NRG1: variants seen among roughly 807,000 people sequenced by gnomAD.
The protein encoded by NRG1 is neuregulin 1, also known as pro-neuregulin-1, membrane-bound isoform.
NRG1 carries 18 observed loss-of-function variants against 63.8 expected under a neutral mutation model. The observed-to-expected ratio is 0.28, with a 90% CI of 0.19 to 0.42. The LOEUF is 0.42. NRG1 is among the 10% of genes least tolerant of loss of function. The pLI, the probability that NRG1 is intolerant of heterozygous loss-of-function variation, is 1.00. For synonymous variants in NRG1, 302 were observed against 301.3 expected (o/e 1.00, Z -0.02); for missense variants, 762 against 814.7 (o/e 0.94, Z 0.79).
At chr8:32,760,483 C>A in intron 11 of NRG1, 77 bp downstream of exon 11, 1 of 1,593,422 alleles carries the variant, frequency 6.3e-7, no homozygotes, top group Non-Finnish European at 8.5e-7. Flanking sequence ...GGTCTCACCT[C>A]AGGAAATCTA....
chr8:31,675,091 C>T (rs547934496), intron 1 of NRG1, among the ~76,000 whole-genome samples: 1 of 152,262 alleles, frequency 6.6e-6, no homozygotes, highest in South Asian at 2.1e-4. Context: ...GCCTGTAATC[C>T]CAGCACTTTG....
intron 1 of NRG1, among the ~76,000 whole-genome samples, chr8:32,202,116 G>T (rs1239125588): frequency 1.3e-5 from 2 of 152,086 alleles, no homozygotes; most frequent in Non-Finnish European, 2.9e-5. Flanking sequence ...GCTTCCACCA[G>T]CTGATTTTTA....
intron 1 of NRG1, among the ~76,000 whole-genome samples, chr8:31,953,712 G>A (rs1250170981): frequency 1.3e-5 from 2 of 152,090 alleles, no homozygotes; most frequent in Admixed American, 6.5e-5. Flanking sequence ...TCGCAAATAA[G>A]GCCATTTCTG....
chr8:32,651,046 T>A (rs1194783196), intron 5 of NRG1, among the ~76,000 whole-genome samples: 1 of 152,122 alleles, frequency 6.6e-6, no homozygotes, highest in Admixed American at 6.5e-5. Context: ...CCTACTAATG[T>A]TAGAGTTTTA....
chr8:31,950,975 A>C (rs1803376527), intron 1 of NRG1, among the ~76,000 whole-genome samples: 2 of 152,230 alleles, frequency 1.3e-5, no homozygotes, highest in East Asian at 3.9e-4. Context: ...AGTAATGGAA[A>C]ATAACAGTGA....
rs143081214 is a variant in NRG1 at position 32,576,713 on chromosome 8, G to A, written c.101-19115G>A. Among the ~76,000 whole-genome samples, 1,437 of 151,944 alleles carry A rather than the reference G, an allele frequency of 9.5e-3. 26 individuals carry two copies. Among genetic ancestry groups the A allele is most frequent in the African/African-American group, 0.033 (1,354 of 41,456 alleles). On this transcript the variant is annotated intron_variant, in intron 1 of 11. Transcript: ENST00000356819. Reference sequence around the variant, plus strand: ...AACCACCTGTATGAGAATCGCCTGCGATGCTTTTGTTTAAAAGGCAGATTC... The same window carrying A: ...AACCACCTGTATGAGAATCGCCTGCAATGCTTTTGTTTAAAAGGCAGATTC...
chr8:31,933,981 T>C (rs938511456), intron 1 of NRG1, among the ~76,000 whole-genome samples: 3 of 152,150 alleles, frequency 2.0e-5, no homozygotes, highest in Non-Finnish European at 2.9e-5. Flanking sequence ...AGAATACATT[T>C]CATTTATATT....
At chr8:32,497,273 C>A (rs1300880607) in intron 1 of NRG1, among the ~76,000 whole-genome samples, 1 of 151,876 alleles carries the variant, frequency 6.6e-6, no homozygotes, top group Non-Finnish European at 1.5e-5. Flanking sequence ...ATGGTGAAAA[C>A]CCGTCTCTGC....
At chr8:32,406,171 C>A (rs118184169) in intron 1 of NRG1, among the ~76,000 whole-genome samples, 2 of 152,134 alleles carry the variant, frequency 1.3e-5, no homozygotes, top group Non-Finnish European at 2.9e-5. Context: ...CCCTAAACTT[C>A]AGTGCCCTCA....
chr8:32,087,252 G>A (rs1198680960), intron 1 of NRG1, among the ~76,000 whole-genome samples: 1 of 151,922 alleles, frequency 6.6e-6, no homozygotes, highest in Non-Finnish European at 1.5e-5. Context: ...CATCTGCTTG[G>A]TGATAAGTAA....
chr8:32,732,767 G>A (rs1370524794), intron 6 of NRG1, among the ~76,000 whole-genome samples: 1 of 119,824 alleles, frequency 8.3e-6, no homozygotes, highest in Non-Finnish European at 1.8e-5. Context: ...ATATACACCT[G>A]TTTTAACAGA....
chr8:32,541,486 T>A (rs1417500117), intron 1 of NRG1, among the ~76,000 whole-genome samples: 1 of 144,324 alleles, frequency 6.9e-6, no homozygotes, highest in Non-Finnish European at 1.5e-5. Flanking sequence ...TTCTACCAGG[T>A]GTCTCTTATG....
At chr8:32,682,018 A>C (rs1208998586) in intron 5 of NRG1, among the ~76,000 whole-genome samples, 1 of 152,184 alleles carries the variant, frequency 6.6e-6, no homozygotes, top group Non-Finnish European at 1.5e-5. Flanking sequence ...GATATATATT[A>C]ATGAAAATTG....
At chr8:32,355,328 G>T (rs1008681514) in intron 1 of NRG1, among the ~76,000 whole-genome samples, 3 of 151,936 alleles carry the variant, frequency 2.0e-5, no homozygotes, top group African/African-American at 2.4e-5. Context: ...GCGTGGTGGT[G>T]TGCACCTGTA....
chr8:32,293,298 G>T (rs1164423144), intron 1 of NRG1, among the ~76,000 whole-genome samples: 1 of 151,844 alleles, frequency 6.6e-6, no homozygotes, highest in Admixed American at 6.6e-5. Flanking sequence ...AGAGAGACAG[G>T]GGGTGTTTTG....
intron 1 of NRG1, among the ~76,000 whole-genome samples, chr8:32,467,354 AG>A (rs1243879737): frequency 6.6e-6 from 1 of 152,106 alleles, no homozygotes; most frequent in African/African-American, 2.4e-5. Context: ...TTGGTCCCGG[AG>A]CCCCCATGAA....
intron 1 of NRG1, among the ~76,000 whole-genome samples, chr8:32,371,991 C>CTTTTTTTTT (rs1289943893): frequency 4.7e-5 from 3 of 64,098 alleles, no homozygotes; most frequent in Non-Finnish European, 6.7e-5. Flanking sequence ...TCTTCTTCTT[C>CTTTTTTTTT]ATTTTTTTTT....
At chr8:32,221,491 T>C (rs1205919050) in intron 1 of NRG1, among the ~76,000 whole-genome samples, 2 of 152,166 alleles carry the variant, frequency 1.3e-5, no homozygotes, top group African/African-American at 4.8e-5. Flanking sequence ...AATAAATAAA[T>C]AGTAAGATGG....
chr8:32,101,350 T>C (rs1343614711), intron 1 of NRG1, among the ~76,000 whole-genome samples: 1 of 152,222 alleles, frequency 6.6e-6, no homozygotes, highest in East Asian at 1.9e-4. Context: ...ATGCCTTGCA[T>C]GCACACAAAG....
Sources: gnomAD v4.1 joint callset for allele counts (sites outside exome capture counted in the v4.1 genomes callset) on GRCh38, gnomAD v4.1.1 for gene constraint, MANE v1.5 for transcripts, NCBI Gene and HGNC (gene_info 2026-07-23, HGNC 2026-07-21) for gene names.